Variants in EPHA5 observed in about 807,000 individuals in gnomAD.
EPHA5 encodes the protein EPH receptor A5, also known as ephrin type-A receptor 5.
In EPHA5, 60 loss-of-function variants were observed where a neutral mutation model predicts 105.0. That is an observed-to-expected ratio of 0.57 (90% confidence interval 0.46 to 0.71). The LOEUF (loss-of-function observed/expected upper bound fraction) is 0.71, where lower values mean the gene tolerates loss of function less well. Ranked by LOEUF, EPHA5 falls within the 30% of genes least tolerant of loss-of-function variation. EPHA5 has a pLI of 0.00. For synonymous variants in EPHA5, 513 were observed against 449.1 expected (o/e 1.14, Z -1.80); for missense variants, 1,218 against 1,274.7 (o/e 0.96, Z 0.68).
chr4:65,422,937 A>G (rs1198359480), intron 5 of EPHA5, among the ~76,000 whole-genome samples: 2 of 152,108 alleles, frequency 1.3e-5, no homozygotes, highest in Non-Finnish European at 2.9e-5. Context: ...CTGGTAGATT[A>G]TTATCAATTA....
chr4:65,431,008 C>G (rs573351998), intron 5 of EPHA5, among the ~76,000 whole-genome samples: 1 of 152,160 alleles, frequency 6.6e-6, no homozygotes, highest in South Asian at 2.1e-4. Context: ...CAAAGTTTTA[C>G]AACTATTTTT....
At chr4:65,408,301 A>C (rs35517388) in intron 7 of EPHA5, among the ~76,000 whole-genome samples, 85,491 of 151,952 alleles carry the variant, frequency 0.56, 25,722 homozygotes, top group South Asian at 0.69. Context: ...TTTAATCTTT[A>C]AGATATATAC....
At chr4:65,517,238 C>T (rs1016040166) in intron 3 of EPHA5, among the ~76,000 whole-genome samples, 1 of 151,738 alleles carries the variant, frequency 6.6e-6, no homozygotes, top group Non-Finnish European at 1.5e-5. Context: ...ACTGATACTC[C>T]TTGTTCTGTA....
chr4:65,428,974 C>T (rs896196470), intron 5 of EPHA5, among the ~76,000 whole-genome samples: 6 of 151,858 alleles, frequency 4.0e-5, no homozygotes, highest in Non-Finnish European at 7.4e-5. Context: ...GGCAACATGC[C>T]TCCTTCTGAA....
At chr4:65,381,492 A>T (rs73822131) in intron 8 of EPHA5, among the ~76,000 whole-genome samples, 1,714 of 151,904 alleles carry the variant, frequency 0.011, 36 homozygotes, top group African/African-American at 0.039. Flanking sequence ...CAGTAATGAT[A>T]CTTATTGCAA....
At chr4:65,359,359 A>G (rs1235724441) in intron 11 of EPHA5, among the ~76,000 whole-genome samples, 1 of 151,636 alleles carries the variant, frequency 6.6e-6, no homozygotes. Flanking sequence ...GAAGTGGAAG[A>G]TATAAAATTA....
At chr4:65,408,475 A>G (rs1267112081) in intron 7 of EPHA5, among the ~76,000 whole-genome samples, 3 of 152,186 alleles carry the variant, frequency 2.0e-5, no homozygotes, top group Non-Finnish European at 1.5e-5. Context: ...AAAAATTAAC[A>G]TTCTGACAAA....
At chr4:65,357,440 A>T (rs927405371) in intron 11 of EPHA5, among the ~76,000 whole-genome samples, 1 of 151,638 alleles carries the variant, frequency 6.6e-6, no homozygotes, top group African/African-American at 2.4e-5. Flanking sequence ...TTTTGTGTTA[A>T]TACAAACTTG....
chr4:65,632,052 C>CT (rs1237294261), intron 2 of EPHA5, among the ~76,000 whole-genome samples: 3 of 151,986 alleles, frequency 2.0e-5, no homozygotes, highest in African/African-American at 7.2e-5. Context: ...GCATCACTGA[C>CT]TCATTGTAAT....
chr4:65,355,018 T>C (rs1411767660), intron 11 of EPHA5, among the ~76,000 whole-genome samples: 1 of 151,796 alleles, frequency 6.6e-6, no homozygotes, highest in Non-Finnish European at 1.5e-5. Flanking sequence ...GGTTTGTAGA[T>C]GCCTATGTTA....
chr4:65,353,303 T>C (rs867541499), intron 11 of EPHA5, among the ~76,000 whole-genome samples, 200 bp from the exon 12 acceptor site: 34 of 147,472 alleles, frequency 2.3e-4, no homozygotes, highest in African/African-American at 8.1e-4. Flanking sequence ...ATATATTTAA[T>C]ATTTTAAAAA....
chr4:65,401,171 A>G (rs77847169), intron 8 of EPHA5, among the ~76,000 whole-genome samples: 3,885 of 152,094 alleles, frequency 0.026, 172 homozygotes, highest in African/African-American at 0.088. Flanking sequence ...TTTTAAAATA[A>G]TTTGCTATTA....
At position 65,495,563 on chromosome 4, in the gene EPHA5, A is replaced by T. The variant is rs185050179; in HGVS notation, c.911-20T>A. Reference sequence around the variant, plus strand: ...TGCACACTGTCAAAAGAAATAAGAGACTAAGCTTTTCCCTGGAACAGATGC... The same window carrying T: ...TGCACACTGTCAAAAGAAATAAGAGTCTAAGCTTTTCCCTGGAACAGATGC... On this transcript the variant is annotated intron_variant, in intron 3 of 16. Transcript: ENST00000613740. The T allele has an allele frequency of 1.5e-4, 242 of 1,596,262 alleles. No individual in the cohort carries two copies. Among genetic ancestry groups the T allele is most frequent in the Non-Finnish European group, 1.1e-4 (127 of 1,172,264 alleles).
intron 1 of EPHA5, among the ~76,000 whole-genome samples, chr4:65,647,028 TA>T (rs1228739129): frequency 6.6e-6 from 1 of 151,906 alleles, no homozygotes; most frequent in Non-Finnish European, 1.5e-5. Context: ...CAAAGATAGC[TA>T]TATAAAAAAC....
intron 5 of EPHA5, among the ~76,000 whole-genome samples, chr4:65,428,318 A>G (rs112493465): frequency 6.6e-6 from 1 of 152,164 alleles, no homozygotes; most frequent in Non-Finnish European, 1.5e-5. Context: ...TAAATTTTAT[A>G]TACTTACATA....
At chr4:65,628,524 T>A (rs531339868) in intron 2 of EPHA5, among the ~76,000 whole-genome samples, 3 of 152,238 alleles carry the variant, frequency 2.0e-5, no homozygotes, top group Admixed American at 2.0e-4. Context: ...GTTATTTTGA[T>A]CATAATAACC....
chr4:65,412,881 A>C (rs985571800), intron 7 of EPHA5, among the ~76,000 whole-genome samples: 1 of 152,166 alleles, frequency 6.6e-6, no homozygotes, highest in African/African-American at 2.4e-5. Context: ...AACTGAGTAG[A>C]ATTTACAGTT....
chr4:65,551,740 T>C (rs1490942086), intron 3 of EPHA5, among the ~76,000 whole-genome samples: 3 of 152,200 alleles, frequency 2.0e-5, no homozygotes, highest in African/African-American at 4.8e-5. Flanking sequence ...GACTTCCTCC[T>C]GTTTACTCAT....
chr4:65,573,097 G>A (rs1740379769), intron 3 of EPHA5, among the ~76,000 whole-genome samples: 3 of 151,220 alleles, frequency 2.0e-5, no homozygotes, highest in Middle Eastern at 3.5e-3. Context: ...TGTTTGAATA[G>A]TTTTCAAAAG....
Sources: allele counts gnomAD v4.1 joint callset (sites outside exome capture counted in the v4.1 genomes callset), GRCh38; gene constraint gnomAD v4.1.1; transcripts MANE v1.5; gene names NCBI Gene and HGNC (gene_info 2026-07-23, HGNC 2026-07-21).